Variants in PPP2R2B observed in about 807,000 individuals in gnomAD.
The protein encoded by PPP2R2B is protein phosphatase 2 regulatory subunit Bbeta, also known as serine/threonine-protein phosphatase 2A 55 kDa regulatory subunit B beta isoform.
PPP2R2B carries 5 observed loss-of-function variants against 46.0 expected under a neutral mutation model. The ratio of observed to expected loss-of-function variants is 0.11; its 90% confidence interval spans 0.06 to 0.23. PPP2R2B has a LOEUF of 0.23. Among genes scored for constraint, PPP2R2B ranks in the 10% least tolerant of loss-of-function variants. The probability of loss-of-function intolerance (pLI) is 1.00; values close to 1 mark genes in which losing one functional copy is unlikely to be tolerated. For synonymous variants in PPP2R2B, 215 were observed against 206.7 expected (o/e 1.04, Z -0.34); for missense variants, 367 against 575.0 (o/e 0.64, Z 3.70).
rs1561836234 is a variant in PPP2R2B, at chr5:146,691,211, CGCTGACTTTCCACA to C, written c.350_363del (p.Leu117ArgfsTer3). On this transcript the variant is annotated frameshift_variant, in exon 5 of 10. Transcript: ENST00000394411. LOFTEE classifies it high-confidence loss of function. ...TAGCCTTCTGGCCTCTTATCACGCTCGCTGACTTTCCACAGCTTCACAGTTTTATCTGTAGTGGG... is the reference window on the plus strand; with the variant it reads ...TAGCCTTCTGGCCTCTTATCACGCTCGCTTCACAGTTTTATCTGTAGTGGG... 6.2e-7 allele frequency: 1 copy of C among 1,614,090 alleles called. No homozygotes were observed. The highest frequency in any genetic ancestry group is 8.5e-7 in the Non-Finnish European group (1 of 1,180,034).
chr5:146,897,969 C>A (rs1049139424), intron 1 of PPP2R2B, among the ~76,000 whole-genome samples: 1 of 152,154 alleles, frequency 6.6e-6, no homozygotes, highest in African/African-American at 2.4e-5. Context: ...GCAGGTGGAT[C>A]ACCTGAGGAG....
intron 1 of PPP2R2B, among the ~76,000 whole-genome samples, chr5:146,928,177 A>T (rs1164459010): frequency 1.3e-5 from 2 of 152,096 alleles, no homozygotes; most frequent in African/African-American, 4.8e-5. Flanking sequence ...CTCCTGTGAC[A>T]GTTTTTCTTC....
intron 7 of PPP2R2B, among the ~76,000 whole-genome samples, chr5:146,621,496 C>G (rs921306779): frequency 6.6e-6 from 1 of 152,200 alleles, no homozygotes; most frequent in Non-Finnish European, 1.5e-5. Flanking sequence ...GGCGGCCCCA[C>G]ACCTCTGAAG....
intron 1 of PPP2R2B, among the ~76,000 whole-genome samples, chr5:146,943,758 G>T (rs983205835): frequency 1.3e-5 from 2 of 152,084 alleles, no homozygotes; most frequent in Non-Finnish European, 2.9e-5. Flanking sequence ...TTATATGAGA[G>T]GATCCAAATC....
intron 1 of PPP2R2B, among the ~76,000 whole-genome samples, chr5:146,885,624 T>C (rs529824370): frequency 2.0e-5 from 3 of 152,292 alleles, no homozygotes; most frequent in South Asian, 2.1e-4. Context: ...TATGTATATA[T>C]TGAAGAGAAT....
At chr5:146,905,540 G>C (rs1270720429) in intron 1 of PPP2R2B, among the ~76,000 whole-genome samples, 1 of 152,094 alleles carries the variant, frequency 6.6e-6, no homozygotes, top group East Asian at 1.9e-4. Flanking sequence ...AAGACATGAG[G>C]CACTGTTCCT....
Position 147,006,663 on chromosome 5 carries a change from A to G in PPP2R2B, c.79+49002T>C, listed in dbSNP as rs1349736813. Among the ~76,000 whole-genome samples, 6 of 152,182 alleles carry G rather than the reference A, an allele frequency of 3.9e-5. No homozygotes were observed. In the East Asian group the frequency reaches 1.2e-3, roughly 29 times the overall value. ...AAATAACAAAATCTATCCAGTAAGG[A>G]TAGTAACTACAATCCCAAATAGACT... is the stretch of plus-strand genomic sequence containing the variant. On this transcript the variant is annotated intron_variant, in intron 1 of 8. Coordinates refer to the PPP2R2B transcript ENST00000336640.
At chr5:146,758,222 A>C (rs955391151) in intron 2 of PPP2R2B, among the ~76,000 whole-genome samples, 2 of 152,160 alleles carry the variant, frequency 1.3e-5, no homozygotes, top group Admixed American at 6.6e-5. Context: ...AGATAACCAA[A>C]ATTTCAATGA....
chr5:146,766,729 C>A (rs1754499577), intron 2 of PPP2R2B, among the ~76,000 whole-genome samples: 1 of 152,112 alleles, frequency 6.6e-6, no homozygotes, highest in South Asian at 2.1e-4. Flanking sequence ...AATGCTACCA[C>A]AACACCGTGG....
intron 4 of PPP2R2B, among the ~76,000 whole-genome samples, chr5:146,696,570 G>A (rs559199037): frequency 6.6e-5 from 10 of 152,290 alleles, no homozygotes; most frequent in African/African-American, 1.9e-4. Flanking sequence ...AAGCCCGTTA[G>A]TGAAACTTAA....
At chr5:146,814,592 C>T (rs1757817951) in intron 2 of PPP2R2B, among the ~76,000 whole-genome samples, 1 of 152,208 alleles carries the variant, frequency 6.6e-6, no homozygotes, top group Non-Finnish European at 1.5e-5. Flanking sequence ...GGTGAATGGG[C>T]TCAAGCATGC....
intron 5 of PPP2R2B, among the ~76,000 whole-genome samples, chr5:146,684,600 A>C (rs1778374807): frequency 6.6e-6 from 1 of 152,208 alleles, no homozygotes; most frequent in Non-Finnish European, 1.5e-5. Flanking sequence ...TGTATGCCTC[A>C]AAGGATCCTT....
chr5:146,600,586 G>A (rs988567587), intron 7 of PPP2R2B, 126 bp from the exon 8 acceptor site: 10 of 891,466 alleles, frequency 1.1e-5, no homozygotes, highest in South Asian at 1.7e-5. Flanking sequence ...TCTGCAGAAT[G>A]TAAGTTGCTA....
chr5:146,845,172 T>C (rs1759907619), intron 2 of PPP2R2B, among the ~76,000 whole-genome samples: 1 of 152,204 alleles, frequency 6.6e-6, no homozygotes, highest in African/African-American at 2.4e-5. Context: ...TGGCTCATTG[T>C]CATTCTTTAT....
intron 1 of PPP2R2B, among the ~76,000 whole-genome samples, chr5:146,929,055 C>A (rs891145691): frequency 6.6e-6 from 1 of 152,142 alleles, no homozygotes; most frequent in South Asian, 2.1e-4. Flanking sequence ...CAAGTCTTTG[C>A]TCAGATATCA....
At chr5:146,672,352 G>A (rs1318042610) in intron 5 of PPP2R2B, among the ~76,000 whole-genome samples, 1 of 152,154 alleles carries the variant, frequency 6.6e-6, no homozygotes, top group African/African-American at 2.4e-5. Flanking sequence ...AGGAAACAGA[G>A]ACTAAATATT....
In PPP2R2B at chr5:146,600,311, G is replaced by T. The variant is rs768002675; in HGVS notation, c.940C>A (p.Arg314Ser). ...TATACCTGGTAAGTCTCGATGGGGC[G>T]GTTTTCCATGTTGAGATCCCAGACT... is the stretch of plus-strand genomic sequence containing the variant. ...VKVWDLNMEN[R>S]PIETYQVHDY... is the part of the protein sequence containing the mutation. Residue 314 changes from arginine to serine, a missense_variant, in exon 8 of 10, where the codon CGC becomes AGC. Transcript: ENST00000394411. 6.2e-7 allele frequency: 1 copy of T among 1,613,554 alleles called. No homozygotes were observed. Among genetic ancestry groups the T allele is most frequent in the Non-Finnish European group, 8.5e-7 (1 of 1,179,832 alleles).
chr5:146,799,952 A>G (rs1345430775), intron 2 of PPP2R2B, among the ~76,000 whole-genome samples: 1 of 152,172 alleles, frequency 6.6e-6, no homozygotes, highest in African/African-American at 2.4e-5. Flanking sequence ...TAGCATCAGA[A>G]GAGGGATTGC....
intron 2 of PPP2R2B, among the ~76,000 whole-genome samples, chr5:146,858,981 A>G (rs532046557): frequency 3.3e-5 from 5 of 152,332 alleles, no homozygotes; most frequent in African/African-American, 1.2e-4. Flanking sequence ...GTTAGTGGTC[A>G]GTGTCTTACA....
Sources: gnomAD v4.1 joint callset for allele counts (sites outside exome capture counted in the v4.1 genomes callset) on GRCh38, gnomAD v4.1.1 for gene constraint, MANE v1.5 for transcripts, NCBI Gene and HGNC (gene_info 2026-07-23, HGNC 2026-07-21) for gene names.